OCA2: variants seen among roughly 807,000 people sequenced by gnomAD.
The protein encoded by OCA2 is OCA2 melanosomal transmembrane protein.
OCA2 carries 77 observed loss-of-function variants against 100.2 expected under a neutral mutation model. That is an observed-to-expected ratio of 0.77 (90% CI 0.64 to 0.93). The LOEUF (loss-of-function observed/expected upper bound fraction) is 0.93, where lower values mean the gene tolerates loss of function less well. Ranked by LOEUF, OCA2 falls within the 40% of genes least tolerant of loss-of-function variation. OCA2 has a pLI of 0.00. For synonymous variants in OCA2, 432 were observed against 439.2 expected (o/e 0.98, Z 0.21); for missense variants, 1,062 against 1,089.1 (o/e 0.98, Z 0.35).
intron 13 of OCA2, 57 bp from the exon 14 acceptor site, chr15:27,983,540 A>G: frequency 6.3e-7 from 1 of 1,591,072 alleles, no homozygotes; most frequent in Non-Finnish European, 8.6e-7. Context: ...TGAAAGGCCC[A>G]CATGCAACCC....
rs760224063 is a variant in OCA2, at chr15:28,072,589, CAAAAAAAAA to C, written c.227+9050_227+9058del. Among the ~76,000 whole-genome samples the C allele has an allele frequency of 3.2e-4, 19 of 60,072 alleles. No homozygotes were observed. The Admixed American group carries it at 3.6e-3, about 11-fold the overall frequency. The allele number at this position is 60,072 out of a possible 152,430, so 39.4% of individuals were successfully genotyped here. On this transcript the variant is annotated intron_variant, in intron 2 of 23. Transcript: ENST00000354638. ...TGGGCGACAGAGCAAGATTCCGTCT[CAAAAAAAAA>C]AAAAAAAAAAACAAGTAACCCCATT...
At chr15:28,096,372 G>C (rs1276723369) in intron 1 of OCA2, among the ~76,000 whole-genome samples, 1 of 152,208 alleles carries the variant, frequency 6.6e-6, no homozygotes, top group Non-Finnish European at 1.5e-5. Flanking sequence ...ACTGTGAGCC[G>C]GAGGCGTAGC....
chr15:27,738,544 G>T, the OCA2 span, among the ~76,000 whole-genome samples: 1 of 152,236 alleles, frequency 6.6e-6, no homozygotes, highest in East Asian at 1.9e-4. Context: ...GACCATCCTG[G>T]CTAACACGGT....
intron 23 of OCA2, among the ~76,000 whole-genome samples, chr15:27,775,853 C>T (rs368913819): frequency 1.3e-5 from 2 of 152,116 alleles, no homozygotes; most frequent in Non-Finnish European, 2.9e-5. Context: ...GATGAGGGCT[C>T]GGCCCTATGA....
Position 27,954,144 on chromosome 15 carries a change from CA to C in OCA2, c.1842+1013del, listed in dbSNP as rs2040135558. Among the ~76,000 whole-genome samples the C allele has an allele frequency of 2.0e-4, 30 of 148,296 alleles. 1 individual carries two copies. Among genetic ancestry groups the C allele is most frequent in the Middle Eastern group, 3.4e-3 (1 of 294 alleles). On this transcript the variant is annotated intron_variant, in intron 17 of 23. Transcript: ENST00000354638. ...ACACACACACACACACACACACACA[CA>C]CACACACACACACACCTAGGGTCAT...
chr15:28,093,951 C>T (rs143282714), intron 1 of OCA2, among the ~76,000 whole-genome samples: 1 of 152,280 alleles, frequency 6.6e-6, no homozygotes, highest in Non-Finnish European at 1.5e-5. Flanking sequence ...CTCGTTCCAC[C>T]TCACTTCCTG....
At chr15:27,839,775 G>A (rs1028240354) in intron 23 of OCA2, among the ~76,000 whole-genome samples, 5 of 152,218 alleles carry the variant, frequency 3.3e-5, no homozygotes, top group African/African-American at 1.2e-4. Flanking sequence ...AATAAGTAAG[G>A]ATATAAATGA....
At chr15:27,998,961 A>G (rs925146830) in intron 9 of OCA2, among the ~76,000 whole-genome samples, 33 of 151,624 alleles carry the variant, frequency 2.2e-4, no homozygotes, top group Non-Finnish European at 4.0e-4. Context: ...AAAAAACCAA[A>G]CACCGCATGT....
At chr15:27,838,364 G>T (rs2035230902) in intron 23 of OCA2, among the ~76,000 whole-genome samples, 1 of 152,168 alleles carries the variant, frequency 6.6e-6, no homozygotes, top group Non-Finnish European at 1.5e-5. Flanking sequence ...GGGCATTAAA[G>T]AAAGAAGGCA....
At chr15:28,062,410 G>A (rs2043901257) in intron 2 of OCA2, among the ~76,000 whole-genome samples, 1 of 152,146 alleles carries the variant, frequency 6.6e-6, no homozygotes, top group Non-Finnish European at 1.5e-5. Context: ...TGGGCATGGG[G>A]GGAGTCTTTT....
intron 23 of OCA2, among the ~76,000 whole-genome samples, chr15:27,831,306 A>AAAAAAAAAAAG (rs398026675): frequency 6.6e-6 from 1 of 150,924 alleles, no homozygotes; most frequent in Non-Finnish European, 1.5e-5. Flanking sequence ...AAAAAAAAAA[A>AAAAAAAAAAAG]TCGGTCTGAG....
intron 23 of OCA2, among the ~76,000 whole-genome samples, chr15:27,832,944 G>C (rs997388413): frequency 6.7e-6 from 1 of 150,118 alleles, no homozygotes; most frequent in African/African-American, 2.4e-5. Context: ...TCCCCCAGTA[G>C]CTGGGAGTAC....
intron 19 of OCA2, among the ~76,000 whole-genome samples, chr15:27,883,289 T>C (rs1472098364): frequency 6.6e-6 from 1 of 152,128 alleles, no homozygotes; most frequent in African/African-American, 2.4e-5. Flanking sequence ...GTTTTAACAT[T>C]CTCCACAATC....
chr15:27,748,815 T>C, the OCA2 span, among the ~76,000 whole-genome samples: 1 of 152,018 alleles, frequency 6.6e-6, no homozygotes, highest in Admixed American at 6.6e-5. Context: ...AACTAAACAC[T>C]GAAAAATATG....
At chr15:27,788,726 T>C (rs2032937985) in intron 23 of OCA2, among the ~76,000 whole-genome samples, 1 of 152,114 alleles carries the variant, frequency 6.6e-6, no homozygotes, top group Non-Finnish European at 1.5e-5. Flanking sequence ...ATTGTTTATG[T>C]GGTTGGATTT....
chr15:27,797,812 G>A (rs2033410249), intron 23 of OCA2, among the ~76,000 whole-genome samples: 1 of 152,180 alleles, frequency 6.6e-6, no homozygotes, highest in Non-Finnish European at 1.5e-5. Context: ...AAACACAGGA[G>A]CACCCTGGGG....
At chr15:27,885,720 C>G (rs1305248307) in intron 19 of OCA2, among the ~76,000 whole-genome samples, 1 of 150,918 alleles carries the variant, frequency 6.6e-6, no homozygotes, top group East Asian at 2.0e-4. Context: ...GAGCCAGCAT[C>G]CCATATTGCT....
chr15:28,099,204 G>GC lies in OCA2; in HGVS notation c.-22+19dup, dbSNP rs1389273295. ...GCTCCTCGCCTCCTTCCTCCCGACC[G>GC]CGGAGCACGTGCACTTTACCTGCGC... On this transcript the variant is annotated intron_variant, in intron 1 of 23. Transcript: ENST00000354638. 2 of 152,780 alleles carry GC rather than the reference G, an allele frequency of 1.3e-5. No homozygotes were observed. Among genetic ancestry groups the GC allele is most frequent in the Admixed American group, 1.3e-4 (2 of 15,300 alleles). 9.5% of individuals were successfully genotyped at this position (152,780 alleles called of 1,614,324 possible). A position where few individuals can be genotyped will look rare whatever the true frequency, so the allele number is the denominator to read the frequency against.
chr15:27,826,308 T>C (rs981740121), intron 23 of OCA2, among the ~76,000 whole-genome samples: 2 of 152,044 alleles, frequency 1.3e-5, no homozygotes, highest in African/African-American at 2.4e-5. Context: ...CAGCAGTTGA[T>C]TGCAGTCTCA....
Sources: allele counts gnomAD v4.1 joint callset (sites outside exome capture counted in the v4.1 genomes callset), GRCh38; gene constraint gnomAD v4.1.1; transcripts MANE v1.5; gene names NCBI Gene and HGNC (gene_info 2026-07-23, HGNC 2026-07-21).